The following NRXN1 variants were observed in gnomAD, a reference collection of about 807,000 sequenced individuals.
NRXN1 encodes neurexin-1.
A neutral mutation model predicts 150.9 loss-of-function variants in NRXN1; 39 were observed. The ratio of observed to expected loss-of-function variants is 0.26; its 90% CI spans 0.20 to 0.34. The LOEUF (loss-of-function observed/expected upper bound fraction) is 0.34. NRXN1 is among the 10% of genes least tolerant of loss of function. NRXN1 has a pLI of 1.00. For synonymous variants in NRXN1, 924 were observed against 757.0 expected (o/e 1.22, Z -3.62); for missense variants, 1,815 against 1,949.9 (o/e 0.93, Z 1.30).
intron 2 of NRXN1, among the ~76,000 whole-genome samples, chr2:51,011,237 C>T (rs1472786915): frequency 6.6e-6 from 1 of 151,884 alleles, no homozygotes; most frequent in Non-Finnish European, 1.5e-5. Context: ...TTGACCATTA[C>T]CGACAATATT....
intron 17 of NRXN1, among the ~76,000 whole-genome samples, chr2:50,296,186 T>A (rs2073537834): frequency 6.6e-6 from 1 of 152,162 alleles, no homozygotes; most frequent in South Asian, 2.1e-4. Context: ...TATAGATTGA[T>A]TACATTTAAT....
At chr2:50,763,369 T>C (rs897716977) in intron 5 of NRXN1, among the ~76,000 whole-genome samples, 2 of 151,926 alleles carry the variant, frequency 1.3e-5, no homozygotes, top group East Asian at 1.9e-4. Context: ...AATTCCTCCA[T>C]CTGTAAAACA....
intron 17 of NRXN1, among the ~76,000 whole-genome samples, chr2:50,291,699 G>A (rs937025699): frequency 1.3e-5 from 2 of 152,166 alleles, no homozygotes; most frequent in African/African-American, 4.8e-5. Context: ...TAAGGACAAA[G>A]TCCCTAAATA....
At chr2:50,537,381 T>A (rs1463111565) in intron 10 of NRXN1, among the ~76,000 whole-genome samples, 2 of 152,162 alleles carry the variant, frequency 1.3e-5, no homozygotes, top group Non-Finnish European at 2.9e-5. Flanking sequence ...GACTAAAGCA[T>A]TTATCTGAAA....
At chr2:50,280,528 T>C (rs1048690564) in intron 17 of NRXN1, among the ~76,000 whole-genome samples, 3 of 152,064 alleles carry the variant, frequency 2.0e-5, no homozygotes, top group Non-Finnish European at 2.9e-5. Context: ...CTGTCACTTG[T>C]TGGCCAAATA....
chr2:50,215,204 C>T (rs1559106475), intron 18 of NRXN1, among the ~76,000 whole-genome samples: 1 of 151,938 alleles, frequency 6.6e-6, no homozygotes, highest in Non-Finnish European at 1.5e-5. Context: ...CTCCCATTCT[C>T]CTGATTAATG....
intron 12 of NRXN1, among the ~76,000 whole-genome samples, chr2:50,510,523 AAAAG>A (rs1394532597): frequency 1.3e-5 from 2 of 149,854 alleles, no homozygotes; most frequent in African/African-American, 2.5e-5. Flanking sequence ...ACCACAAAAG[AAAAG>A]AAAGAAAGAA....
chr2:49,929,579 G>A (rs1401212748), intron 22 of NRXN1, among the ~76,000 whole-genome samples: 1 of 152,106 alleles, frequency 6.6e-6, no homozygotes, highest in East Asian at 1.9e-4. Context: ...GGAAGTTAGA[G>A]CCATAATATT....
intron 17 of NRXN1, among the ~76,000 whole-genome samples, chr2:50,437,946 G>A (rs1328788923): frequency 5.3e-5 from 8 of 152,120 alleles, no homozygotes; most frequent in Admixed American, 5.2e-4. Flanking sequence ...AAATCTTCCT[G>A]GGGACTGATA....
At chr2:50,768,884 G>A (rs1318192730) in intron 5 of NRXN1, among the ~76,000 whole-genome samples, 1 of 151,260 alleles carries the variant, frequency 6.6e-6, no homozygotes, top group Non-Finnish European at 1.5e-5. Flanking sequence ...AGCAGGCAGT[G>A]ACAACCACCA....
chr2:50,414,786 T>G (rs1250495546), intron 17 of NRXN1, among the ~76,000 whole-genome samples: 1 of 152,168 alleles, frequency 6.6e-6, no homozygotes, highest in Non-Finnish European at 1.5e-5. Flanking sequence ...AATTTCTATA[T>G]TAATTTTAAA....
chr2:50,012,301 G>A (rs946350382), intron 21 of NRXN1, among the ~76,000 whole-genome samples: 2 of 152,034 alleles, frequency 1.3e-5, no homozygotes, highest in African/African-American at 4.8e-5. Context: ...TATTATAACT[G>A]CATTTACAAC....
chr2:50,565,507 A>T (rs76643117), intron 8 of NRXN1, among the ~76,000 whole-genome samples: 2,637 of 152,244 alleles, frequency 0.017, 42 homozygotes, highest in Middle Eastern at 0.054. Context: ...TTGTATAAGC[A>T]TTGGTTACCA....
intron 17 of NRXN1, among the ~76,000 whole-genome samples, chr2:50,270,020 A>G (rs992220234): frequency 1.3e-5 from 2 of 152,158 alleles, no homozygotes; most frequent in African/African-American, 4.8e-5. Flanking sequence ...AAAAAGCCCT[A>G]TCTGCATGAT....
chr2:50,850,935 A>G (rs913263916), intron 5 of NRXN1, among the ~76,000 whole-genome samples: 6 of 152,176 alleles, frequency 3.9e-5, no homozygotes, highest in Non-Finnish European at 8.8e-5. Flanking sequence ...TTTTCTTCTT[A>G]AAGTGTTCAT....
At chr2:50,320,695 T>C (rs914170123) in intron 17 of NRXN1, among the ~76,000 whole-genome samples, 2 of 151,850 alleles carry the variant, frequency 1.3e-5, no homozygotes, top group African/African-American at 4.8e-5. Context: ...AAATCGAATA[T>C]GAAATTCAGC....
chr2:50,995,675 T>C (rs1699170094), intron 2 of NRXN1, among the ~76,000 whole-genome samples: 1 of 151,326 alleles, frequency 6.6e-6, no homozygotes, highest in Non-Finnish European at 1.5e-5. Context: ...TGGGACAATC[T>C]TGGAAGGTGT....
At chr2:50,840,866 T>C (rs563117030) in intron 5 of NRXN1, among the ~76,000 whole-genome samples, 6 of 152,208 alleles carry the variant, frequency 3.9e-5, no homozygotes, top group Admixed American at 3.9e-4. Flanking sequence ...GCCCAAACAA[T>C]TTCTACAGGC....
At chr2:50,873,865 G>C (rs1247402084) in intron 5 of NRXN1, among the ~76,000 whole-genome samples, 1 of 151,758 alleles carries the variant, frequency 6.6e-6, no homozygotes, top group African/African-American at 2.4e-5. Flanking sequence ...AGTGCCTCCA[G>C]GGAAGGAGTT....
Sources: allele counts gnomAD v4.1 joint callset (sites outside exome capture counted in the v4.1 genomes callset), GRCh38; gene constraint gnomAD v4.1.1; transcripts MANE v1.5; gene names NCBI Gene and HGNC (gene_info 2026-07-23, HGNC 2026-07-21).